CXCL13: variants seen among roughly 807,000 people sequenced by gnomAD.
CXCL13 encodes the protein C-X-C motif chemokine 13.
CXCL13 carries 7 observed loss-of-function variants against 12.2 expected under a neutral mutation model. That is an observed-to-expected ratio of 0.57 (90% CI 0.33 to 1.07). The LOEUF (loss-of-function observed/expected upper bound fraction) is 1.07. Among genes scored for constraint, CXCL13 ranks in the 50% least tolerant of loss-of-function variants. The probability of loss-of-function intolerance (pLI) is 0.04; values close to 1 mark genes in which losing one functional copy is unlikely to be tolerated. For missense variants in CXCL13, 113 were observed against 127.4 expected, an observed-to-expected ratio of 0.89 and a Z score of 0.55; for synonymous variants, 47 against 42.4, an observed-to-expected ratio of 1.11 and a Z score of -0.42.
At position 77,608,463 on chromosome 4, in the gene CXCL13, GA is replaced by G. The variant is rs1482905194; in HGVS notation, c.197+631del. On this transcript the variant is annotated intron_variant, in intron 2 of 3. Transcript: ENST00000682537. ...CTCAAAAAAAAAAAAAAGAAAGAAA[GA>G]AAGTGCATTAGCCAGGACTCCATTC... Among the ~76,000 whole-genome samples the G allele has an allele frequency of 9.9e-5, 15 of 151,518 alleles. No homozygotes were observed. The South Asian group carries it at 3.1e-3, about 32-fold the overall frequency.
At chr4:77,606,495 T>C (rs1370234965) in intron 1 of CXCL13, among the ~76,000 whole-genome samples, 1 of 152,238 alleles carries the variant, frequency 6.6e-6, no homozygotes, top group East Asian at 1.9e-4. Flanking sequence ...AGTTTTTATG[T>C]GGCCGAAGAA....
chr4:77,608,266 C>A (rs1164789923), intron 2 of CXCL13, among the ~76,000 whole-genome samples: 3 of 152,036 alleles, frequency 2.0e-5, no homozygotes, highest in Non-Finnish European at 4.4e-5. Context: ...CATGGAGAAA[C>A]CCCGTCTCTA....
Position 77,607,620 on chromosome 4 carries a change from C to T in CXCL13, c.65-83C>T, listed in dbSNP as rs534350252. On this transcript the variant is annotated intron_variant, in intron 1 of 3. Transcript: ENST00000682537. ...TGAAACTTTTAAGTCTTCAAATGCACGTTATGAAAGATTAGTAATTAAATT... is the reference window on the plus strand; with the variant it reads ...TGAAACTTTTAAGTCTTCAAATGCATGTTATGAAAGATTAGTAATTAAATT... 29 of 1,367,666 alleles carry T rather than the reference C, an allele frequency of 2.1e-5. 1 individual carries two copies. The South Asian group carries it at 2.5e-4, about 12-fold the overall frequency. The allele number at this position is 1,367,666 out of a possible 1,614,324, so 84.7% of individuals were successfully genotyped here.
chr4:77,580,689 T>C (rs1726308452), intron 1 of CXCL13, among the ~76,000 whole-genome samples: 3 of 150,008 alleles, frequency 2.0e-5, no homozygotes. Flanking sequence ...TGGAGGATGG[T>C]TTTTAGCCTA....
chr4:77,565,371 G>A (rs1036890682), intron 1 of CXCL13, among the ~76,000 whole-genome samples: 2 of 152,158 alleles, frequency 1.3e-5, no homozygotes, highest in Non-Finnish European at 2.9e-5. Context: ...ACCTGGGTCA[G>A]TGAAGAAAGG....
intron 1 of CXCL13, among the ~76,000 whole-genome samples, chr4:77,568,465 A>G (rs1243850746): frequency 1.3e-5 from 2 of 152,174 alleles, no homozygotes; most frequent in Non-Finnish European, 2.9e-5. Context: ...CAGTGCCAAA[A>G]TGCTTGCTTA....
chr4:77,532,267 G>A (rs575294931), intron 1 of CXCL13, among the ~76,000 whole-genome samples: 1 of 152,246 alleles, frequency 6.6e-6, no homozygotes, highest in Admixed American at 6.5e-5. Flanking sequence ...CTCAGCATTT[G>A]CTTGTCTGTA....
intron 1 of CXCL13, among the ~76,000 whole-genome samples, chr4:77,523,180 A>G (rs749852769): frequency 6.6e-6 from 1 of 151,788 alleles, no homozygotes; most frequent in Non-Finnish European, 1.5e-5. Flanking sequence ...TCTGACAATT[A>G]TTTGTCTTGG....
At chr4:77,555,946 A>G (rs1725646338) in intron 1 of CXCL13, among the ~76,000 whole-genome samples, 1 of 152,200 alleles carries the variant, frequency 6.6e-6, no homozygotes, top group Non-Finnish European at 1.5e-5. Context: ...ATAAAACCAA[A>G]TAACTGAGAA....
At chr4:77,555,070 G>A (rs1323618590) in intron 1 of CXCL13, among the ~76,000 whole-genome samples, 1 of 151,260 alleles carries the variant, frequency 6.6e-6, no homozygotes, top group Non-Finnish European at 1.5e-5. Context: ...TAGAAGGTAA[G>A]AAATAAAAAT....
chr4:77,538,395 T>C (rs1479523077), intron 1 of CXCL13, among the ~76,000 whole-genome samples: 2 of 151,254 alleles, frequency 1.3e-5, no homozygotes, highest in African/African-American at 4.9e-5. Flanking sequence ...TAACAATGAA[T>C]TGTTGTAAGA....
chr4:77,610,647 G>A lies in CXCL13; in HGVS notation c.231G>A (p.Val77=), dbSNP rs770438434. 2 of 1,613,340 alleles carry A rather than the reference G, an allele frequency of 1.2e-6. No homozygotes were observed. The highest frequency in any genetic ancestry group is 1.1e-5 in the South Asian group (1 of 91,068). ...AGAAGAACAAGTCAATTGTGTGTGT[G>A]GACCCTCAAGCTGAATGGATACAAA... ...VWKKNKSIVC[V]DPQAEWIQRM... is the part of the protein sequence containing the mutation. Residue 77 remains valine, a synonymous_variant, in exon 3 of 4, where the codon GTG becomes GTA. Coordinates refer to ENST00000682537, the MANE Select transcript of CXCL13 (RefSeq NM_001371558.1).
chr4:77,524,763 A>G (rs1724719487), intron 1 of CXCL13, among the ~76,000 whole-genome samples: 1 of 152,106 alleles, frequency 6.6e-6, no homozygotes. Context: ...TGAACCAGGT[A>G]CCTCAGTTGG....
chr4:77,574,537 G>A (rs1726160897), intron 1 of CXCL13, among the ~76,000 whole-genome samples: 1 of 151,848 alleles, frequency 6.6e-6, no homozygotes, highest in Non-Finnish European at 1.5e-5. Context: ...AATAGCAGTT[G>A]CTTACAGTGA....
Position 77,611,494 on chromosome 4 carries a change from A to G in CXCL13, c.*455A>G, listed in dbSNP as rs1727154363. ...AGGCAGATGGAACTTGAGCCTGTCAAGAGGCAAAGGAATCCATGTAGTAGA... is the reference window on the plus strand; with the variant it reads ...AGGCAGATGGAACTTGAGCCTGTCAGGAGGCAAAGGAATCCATGTAGTAGA... On this transcript the variant is annotated 3_prime_UTR_variant, in exon 4 of 4. Coordinates refer to ENST00000682537, the MANE Select transcript of CXCL13 (RefSeq NM_001371558.1). The G allele has an allele frequency of 5.1e-6, 2 of 394,362 alleles. No homozygotes were observed. The allele number at this position is 394,362 out of a possible 1,614,324, so 24.4% of individuals were successfully genotyped here.
intron 1 of CXCL13, among the ~76,000 whole-genome samples, chr4:77,547,104 A>G (rs1725385431): frequency 1.3e-5 from 2 of 152,178 alleles, no homozygotes; most frequent in Non-Finnish European, 1.5e-5. Context: ...GGTCTGAGAG[A>G]CAGTTTGTTG....
chr4:77,551,617 GTGTTTTCTAGAA>G (rs1725523784), intron 1 of CXCL13, among the ~76,000 whole-genome samples: 2 of 152,286 alleles, frequency 1.3e-5, no homozygotes, highest in East Asian at 3.9e-4. Context: ...TATGTTGCAA[GTGTTTTCTAGAA>G]TGTCTACCTC....
chr4:77,572,142 G>A lies in CXCL13; in HGVS notation c.-42-33682G>A, dbSNP rs369640027. On this transcript the variant is annotated intron_variant, in intron 1 of 4. Transcript: ENST00000286758. ...GTGAGACCAAGAACCCACCAATTCC[G>A]GACACACCAGCACTTTGGGAGGCTG... Among the ~76,000 whole-genome samples, 119 of 151,964 alleles carry A rather than the reference G, an allele frequency of 7.8e-4. 1 individual carries two copies. Among genetic ancestry groups the A allele is most frequent in the African/African-American group, 2.3e-3 (96 of 41,284 alleles).
chr4:77,535,211 G>T (rs1198506137), intron 1 of CXCL13, among the ~76,000 whole-genome samples: 1 of 152,180 alleles, frequency 6.6e-6, no homozygotes, highest in East Asian at 1.9e-4. Context: ...GGGGCCTTTA[G>T]GAACTCTGTT....
Sources: allele counts gnomAD v4.1 joint callset (sites outside exome capture counted in the v4.1 genomes callset), GRCh38; gene constraint gnomAD v4.1.1; transcripts MANE v1.5; gene names NCBI Gene and HGNC (gene_info 2026-07-23, HGNC 2026-07-21).